PALM3: variants seen among roughly 807,000 people sequenced by gnomAD.
PALM3 encodes paralemmin 3.
PALM3 carries 20 observed loss-of-function variants against 27.9 expected under a neutral mutation model. The ratio of observed to expected loss-of-function variants is 0.72; its 90% CI spans 0.50 to 1.04. The LOEUF is 1.04. PALM3 is among the 50% of genes least tolerant of loss of function. The pLI is 0.00. For synonymous variants in PALM3, 328 were observed against 352.7 expected, an observed-to-expected ratio of 0.93 and a Z score of 0.79; for missense variants, 814 against 869.4, an observed-to-expected ratio of 0.94 and a Z score of 0.80.
Position 14,057,407 on chromosome 19 carries a change from T to TCTCCTCCTGCAGCCGCCG in PALM3, c.97_114dup (p.Arg33_Glu38dup), listed in dbSNP as rs1976326940. 6.5e-7 allele frequency: 1 copy of TCTCCTCCTGCAGCCGCCG among 1,541,636 alleles called. No individual in the cohort carries two copies. The highest frequency in any genetic ancestry group is 8.7e-7 in the Non-Finnish European group (1 of 1,144,298). ...TCCACCTCCCGGCGCGCGGCGCGGA[T>TCTCCTCCTGCAGCCGCCG]CTCCTCCTGCAGCCGCCGCTTCTCC... On this transcript the variant is annotated inframe_insertion, in exon 3 of 7. Transcript: ENST00000669674.
In PALM3 at chr19:14,054,148, A is replaced by C. The variant is rs1359584351; in HGVS notation, c.1524T>G (p.Gly508=). The C allele has an allele frequency of 7.2e-6, 11 of 1,535,812 alleles. No homozygotes were observed. Among genetic ancestry groups the C allele is most frequent in the Admixed American group, 4.0e-5 (2 of 49,392 alleles). Residue 508 remains glycine (G), a synonymous_variant, in exon 7 of 7, where the codon GGT becomes GGG. Coordinates refer to ENST00000669674, the MANE Select transcript of PALM3 (RefSeq NM_001145028.2). ...EEPLGVEKKG[G]EEEPEATKEP... Reference sequence around the variant, plus strand: ...CTTTGGTTGCCTCTGGCTCTTCCTCACCTCCTTTCTTCTCTACTCCCAATG... The same window carrying C: ...CTTTGGTTGCCTCTGGCTCTTCCTCCCCTCCTTTCTTCTCTACTCCCAATG...
In PALM3 at chr19:14,055,240, A is replaced by C. The variant is rs1976283230; in HGVS notation, c.446-14T>G. ...GATCAGTCTGGCCTGGGGGAGTCAG[A>C]GGTGGAGGGGAGAGGACAAAAGGGA... On this transcript the variant is annotated splice_polypyrimidine_tract_variant and intron_variant, in intron 6 of 6. Transcript: ENST00000669674. 5 of 1,521,182 alleles carry C rather than the reference A, an allele frequency of 3.3e-6. No individual in the cohort carries two copies. The East Asian group carries it at 1.2e-4, about 37-fold the overall frequency. The allele number at this position is 1,521,182 out of a possible 1,614,324, so 94.2% of individuals were successfully genotyped here.
rs1976371962 is a variant in PALM3 at position 14,059,097 on chromosome 19, G to A, written c.90+18C>T. 5 of 1,455,648 alleles carry A rather than the reference G, an allele frequency of 3.4e-6. No homozygotes were observed. The highest frequency in any genetic ancestry group is 3.0e-5 in the East Asian group (1 of 33,530). 90.2% of individuals were successfully genotyped at this position (1,455,648 alleles called of 1,614,324 possible). On this transcript the variant is annotated intron_variant, in intron 2 of 6. Transcript: ENST00000669674. ...GAAAGTTTGGGGGTGCCCAGGGCGCGGGGAGGGCGTCACTTACAGCGATGA... is the reference window on the plus strand; with the variant it reads ...GAAAGTTTGGGGGTGCCCAGGGCGCAGGGAGGGCGTCACTTACAGCGATGA...
At chr19:14,061,859 G>A (rs1417189727) in intron 1 of PALM3, 81 bp downstream of exon 1, 51 of 906,166 alleles carry the variant, frequency 5.6e-5, no homozygotes, top group Non-Finnish European at 6.2e-5. Context: ...GGAGCTCTCG[G>A]CTCCCAGACA....
Position 14,054,470 on chromosome 19 carries a change from C to T in PALM3, c.1202G>A (p.Gly401Glu). ...PLGAEGAKTG[G>E]GEETWEAEKR... ...CTCTGCCTCCCAGGTCTCCTCGCCT[C>T]CTCCCGTCTTGGCCCCCTCGGCCCC... The change falls in exon 7 of 7, where the codon GGA becomes GAA. Residue 401 changes from glycine (G) to glutamate (E), a missense_variant. By Grantham distance (98) the Gly-to-Glu change is moderately conservative. Coordinates refer to ENST00000669674, the MANE Select transcript of PALM3 (RefSeq NM_001145028.2). 6.4e-7 allele frequency: 1 copy of T among 1,551,648 alleles called. No homozygotes were observed. Among genetic ancestry groups the T allele is most frequent in the African/African-American group, 1.4e-5 (1 of 73,150 alleles).
In PALM3 at chr19:14,057,342, G is replaced by C. The variant is rs1976325046; in HGVS notation, c.171+9C>G. 1.3e-6 allele frequency: 2 copies of C among 1,519,128 alleles called. 1 individual carries two copies. The highest frequency in any genetic ancestry group is 2.5e-5 in the South Asian group (2 of 81,500). The allele number at this position is 1,519,128 out of a possible 1,614,324, so 94.1% of individuals were successfully genotyped here. On this transcript the variant is annotated intron_variant, in intron 3 of 6. Coordinates refer to ENST00000669674, the MANE Select transcript of PALM3 (RefSeq NM_001145028.2). ...CCAGGCTAGGCAGGCGCCCCCGCCCGCCCCCAACCTTGAGACGCTCCACGC... is the reference window on the plus strand; with the variant it reads ...CCAGGCTAGGCAGGCGCCCCCGCCCCCCCCCAACCTTGAGACGCTCCACGC...
chr19:14,058,332 G>T (rs1375721737), intron 2 of PALM3, among the ~76,000 whole-genome samples: 2 of 150,160 alleles, frequency 1.3e-5, no homozygotes, highest in East Asian at 2.0e-4. Context: ...AAGAGATAGG[G>T]TACAGAAGTG....
At chr19:14,058,215 T>G (rs1178760173) in intron 2 of PALM3, among the ~76,000 whole-genome samples, 10 of 85,892 alleles carry the variant, frequency 1.2e-4, no homozygotes, top group Admixed American at 6.1e-4. Context: ...TCTAGAGAGA[T>G]GGGGTGCAGA....
chr19:14,056,686 C>A lies in PALM3; in HGVS notation c.290G>T (p.Arg97Leu). The A allele has an allele frequency of 6.4e-7, 1 of 1,551,758 alleles. No homozygotes were observed. Among genetic ancestry groups the A allele is most frequent in the East Asian group, 2.4e-5 (1 of 40,926 alleles). The change falls in exon 4 of 7, where the codon CGG becomes CTG. Residue 97 changes from arginine (R) to leucine (L), a missense_variant. By Grantham distance (102) the Arg-to-Leu change is moderately radical. Transcript: ENST00000669674. ...SPEGQAQARIRNLEDSLFTLQ... is the reference protein window; with the variant it reads ...SPEGQAQARILNLEDSLFTLQ... ...CGTGAACAAACTGTCTTCCAGGTTCCGGATTCGGGCCTGAGCCTGGCCCTC... is the reference window on the plus strand; with the variant it reads ...CGTGAACAAACTGTCTTCCAGGTTCAGGATTCGGGCCTGAGCCTGGCCCTC...
At position 14,055,060 on chromosome 19, in the gene PALM3, G is replaced by A. The variant is rs954843192; in HGVS notation, c.612C>T (p.Ser204=). 6.5e-7 allele frequency: 1 copy of A among 1,549,840 alleles called. No homozygotes were observed. Among genetic ancestry groups the A allele is most frequent in the Non-Finnish European group, 8.7e-7 (1 of 1,145,494 alleles). ...GCCCCTGCTCTGGAGTGGGGATGGG[G>A]CTGGGGCATGGGCCATTGGCTTCTG... is the stretch of plus-strand genomic sequence containing the variant. ...DSSEANGPCP[S]PIPTPEQGLS... is the part of the protein sequence containing the mutation. The change falls in exon 7 of 7, where the codon AGC becomes AGT. Residue 204 remains serine, a synonymous_variant. Transcript: ENST00000669674.
intron 1 of PALM3, among the ~76,000 whole-genome samples, chr19:14,060,470 T>C (rs1976395711): frequency 6.6e-6 from 1 of 152,096 alleles, no homozygotes; most frequent in Admixed American, 6.6e-5. Flanking sequence ...AACCATTAGC[T>C]AGCCCGTAAC....
rs957766104 is a variant in PALM3 at position 14,053,629 on chromosome 19, C to T, written c.2043G>A (p.Thr681=). 6 of 1,460,098 alleles carry T rather than the reference C, an allele frequency of 4.1e-6. No individual in the cohort carries two copies. The highest frequency in any genetic ancestry group is 5.0e-5 in the East Asian group (2 of 40,220). 90.4% of individuals were successfully genotyped at this position (1,460,098 alleles called of 1,614,324 possible). Residue 681 remains threonine, a synonymous_variant, in exon 7 of 7, where the codon ACG becomes ACA. Transcript: ENST00000669674. ...GEEASGPKQK[T]CQCCAVM Reference sequence around the variant, plus strand: ...TTCACATGACCGCACAACACTGGCACGTCTTTTGCTTAGGGCCACTTGCCT... The same window carrying T: ...TTCACATGACCGCACAACACTGGCATGTCTTTTGCTTAGGGCCACTTGCCT...
intron 5 of PALM3, 22 bp from the exon 6 acceptor site, chr19:14,055,447 G>C (rs1474027044): frequency 6.4e-7 from 1 of 1,550,942 alleles, no homozygotes; most frequent in Non-Finnish European, 8.7e-7. Flanking sequence ...GCGGAGACAA[G>C]GTCAGGCTGG....
At chr19:14,057,532 CT>C in intron 2 of PALM3, 101 bp from the exon 3 acceptor site, 1 of 979,792 alleles carries the variant, frequency 1.0e-6, no homozygotes, top group Non-Finnish European at 1.4e-6. Flanking sequence ...CTCACCGGAG[CT>C]CCCGGGGCTC....
chr19:14,060,755 T>C (rs536170875), intron 1 of PALM3, among the ~76,000 whole-genome samples: 2 of 152,176 alleles, frequency 1.3e-5, no homozygotes, highest in African/African-American at 2.4e-5. Context: ...GGCAAGGAAT[T>C]GAAGTCATGC....
chr19:14,058,239 AGAGATGGGGTACAGAAGTGGGGTACAGT>A lies in PALM3; in HGVS notation c.91-836_91-809del, dbSNP rs1219578005. 5.7e-5 allele frequency among the ~76,000 whole-genome samples: 8 copies of A among 140,956 alleles called. No individual in the cohort carries two copies. The South Asian group carries it at 1.2e-3, about 21-fold the overall frequency. 92.5% of individuals were successfully genotyped at this position (140,956 alleles called of 152,430 possible). ...ATGGGGTGCAGAGGTGGGGGTGCAG[AGAGATGGGGTACAGAAGTGGGGTACAGT>A]GAGATGGGGTACAGAAGTGGGGTGC... On this transcript the variant is annotated intron_variant, in intron 2 of 6. Transcript: ENST00000669674.
At position 14,055,123 on chromosome 19, in the gene PALM3, T is replaced by C. The variant is rs1337880292; in HGVS notation, c.549A>G (p.Pro183=). 6.4e-7 allele frequency: 1 copy of C among 1,551,414 alleles called. No homozygotes were observed. Among genetic ancestry groups the C allele is most frequent in the African/African-American group, 1.4e-5 (1 of 73,048 alleles). Residue 183 remains proline (P), a synonymous_variant, in exon 7 of 7, where the codon CCA becomes CCG. Coordinates refer to ENST00000669674, the MANE Select transcript of PALM3 (RefSeq NM_001145028.2). ...EPREDVLGFL[P]GPRQVPGAAG... ...CTGCCCCGGGGACCTGCCTCGGGCC[T>C]GGCAGAAACCCCAAGACATCCTCCC...
chr19:14,058,439 C>T (rs551527425), intron 2 of PALM3, among the ~76,000 whole-genome samples: 6 of 144,796 alleles, frequency 4.1e-5, no homozygotes, highest in African/African-American at 1.3e-4. Flanking sequence ...GGGGGTGCAG[C>T]CATGGGGGTC....
chr19:14,061,925 C>G lies in PALM3; in HGVS notation c.41+15G>C, dbSNP rs1046911081. On this transcript the variant is annotated intron_variant, in intron 1 of 6. Coordinates refer to ENST00000669674, the MANE Select transcript of PALM3 (RefSeq NM_001145028.2). ...GGCCCTGCCCACCAGCCCCCCTGAC[C>G]CCCCAGACACTTACATGGGTGTGGC... 4 of 984,976 alleles carry G rather than the reference C, an allele frequency of 4.1e-6. No homozygotes were observed. The African/African-American group carries it at 5.2e-5, about 13-fold the overall frequency. The allele number at this position is 984,976 out of a possible 1,614,324, so 61.0% of individuals were successfully genotyped here.
Sources: allele counts gnomAD v4.1 joint callset (sites outside exome capture counted in the v4.1 genomes callset), GRCh38; gene constraint gnomAD v4.1.1; transcripts MANE v1.5; gene names NCBI Gene and HGNC (gene_info 2026-07-23, HGNC 2026-07-21).